ASIC2: variants seen among roughly 807,000 people sequenced by gnomAD.
ASIC2 encodes acid-sensing ion channel 2.
ASIC2 carries 25 observed loss-of-function variants against 57.3 expected under a neutral mutation model. That is an observed-to-expected ratio of 0.44 (90% CI 0.32 to 0.61). ASIC2 has a LOEUF of 0.61. ASIC2 is among the 20% of genes least tolerant of loss of function. The pLI, the probability that ASIC2 is intolerant of heterozygous loss-of-function variation, is 0.06. For missense variants in ASIC2, 641 were observed against 738.1 expected (o/e 0.87, Z 1.52); for synonymous variants, 319 against 307.5 (o/e 1.04, Z -0.39).
At chr17:33,041,181 A>G (rs1375786608) in intron 3 of ASIC2, among the ~76,000 whole-genome samples, 1 of 152,088 alleles carries the variant, frequency 6.6e-6, no homozygotes, top group Non-Finnish European at 1.5e-5. Context: ...TGGTCAAGTT[A>G]CCTAACTACT....
intron 1 of ASIC2, among the ~76,000 whole-genome samples, chr17:33,518,286 G>C (rs527841597): frequency 6.6e-6 from 1 of 152,344 alleles, no homozygotes. Flanking sequence ...TAGCCATGGC[G>C]TTTGAAGCCA....
In ASIC2 at chr17:34,080,781, T is replaced by C. The variant is rs1909848694; in HGVS notation, c.555+75197A>G. The C allele has an allele frequency of 3.9e-5, 6 of 152,226 alleles. No individual in the cohort carries two copies. In the South Asian group the frequency reaches 1.2e-3, roughly 32 times the overall value. 9.4% of individuals were successfully genotyped at this position (152,226 alleles called of 1,614,324 possible). A position where few individuals can be genotyped will look rare whatever the true frequency, so the allele number is the denominator to read the frequency against. On this transcript the variant is annotated intron_variant, in intron 1 of 9. Transcript: ENST00000359872. ...GAGCAATCAAGACAGTCCTGCCCAA[T>C]ATCATTGAATGAATTAGCAGCAAGG... is the stretch of plus-strand genomic sequence containing the variant.
intron 1 of ASIC2, among the ~76,000 whole-genome samples, chr17:33,872,004 T>C (rs1200730769): frequency 6.6e-6 from 1 of 152,040 alleles, no homozygotes; most frequent in Non-Finnish European, 1.5e-5. Flanking sequence ...GAGATCCCTC[T>C]CTCCTCCCAC....
At chr17:34,127,455 C>A (rs557286023) in intron 1 of ASIC2, among the ~76,000 whole-genome samples, 1 of 152,216 alleles carries the variant, frequency 6.6e-6, no homozygotes, top group Non-Finnish European at 1.5e-5. Context: ...ACAATGTGGC[C>A]CCCACAGCCA....
intron 1 of ASIC2, among the ~76,000 whole-genome samples, chr17:33,745,914 G>A (rs545114593): frequency 5.3e-5 from 8 of 152,112 alleles, no homozygotes; most frequent in South Asian, 4.1e-4. Flanking sequence ...ATAAATGCAC[G>A]TTTCTTCTTT....
At chr17:33,660,458 A>T (rs921291596) in intron 1 of ASIC2, among the ~76,000 whole-genome samples, 3 of 152,106 alleles carry the variant, frequency 2.0e-5, no homozygotes, top group African/African-American at 7.2e-5. Flanking sequence ...TTCTGTTTTT[A>T]AAATTATTTA....
At chr17:34,019,854 C>T (rs762531579) in intron 1 of ASIC2, among the ~76,000 whole-genome samples, 2 of 152,216 alleles carry the variant, frequency 1.3e-5, no homozygotes, top group Admixed American at 6.5e-5. Flanking sequence ...CAAGTGGCTG[C>T]ATTCAGCTCC....
At chr17:33,249,126 TG>T (rs762747064) in intron 1 of ASIC2, among the ~76,000 whole-genome samples, 9 of 148,910 alleles carry the variant, frequency 6.0e-5, no homozygotes, top group Non-Finnish European at 9.0e-5. Context: ...AGACTGGAGG[TG>T]GGGTGAGAGA....
chr17:34,055,101 G>A (rs1182664890), intron 1 of ASIC2, among the ~76,000 whole-genome samples: 1 of 152,200 alleles, frequency 6.6e-6, no homozygotes, highest in Non-Finnish European at 1.5e-5. Context: ...GAGAGGAAGA[G>A]GATATAAAGT....
chr17:33,480,272 G>T (rs1428464029), intron 1 of ASIC2, among the ~76,000 whole-genome samples: 1 of 151,928 alleles, frequency 6.6e-6, no homozygotes, highest in African/African-American at 2.4e-5. Context: ...AATAGACAAA[G>T]AAATAAACAT....
At chr17:33,818,250 A>C (rs1955477179) in intron 1 of ASIC2, among the ~76,000 whole-genome samples, 1 of 152,218 alleles carries the variant, frequency 6.6e-6, no homozygotes, top group Non-Finnish European at 1.5e-5. Flanking sequence ...TGGGAATAAG[A>C]ATACTCTATT....
At chr17:34,113,577 A>G (rs76393589) in intron 1 of ASIC2, among the ~76,000 whole-genome samples, 90 of 151,448 alleles carry the variant, frequency 5.9e-4, no homozygotes, top group African/African-American at 2.1e-3. Flanking sequence ...AAAAAAAAAA[A>G]GGAAGAAGAT....
At chr17:34,083,900 T>C (rs1375814238) in intron 1 of ASIC2, among the ~76,000 whole-genome samples, 2 of 152,244 alleles carry the variant, frequency 1.3e-5, no homozygotes, top group African/African-American at 2.4e-5. Flanking sequence ...TTGTTTGAGT[T>C]CATTGTGGAT....
At chr17:33,570,077 C>T (rs938420298) in intron 1 of ASIC2, among the ~76,000 whole-genome samples, 20 of 152,146 alleles carry the variant, frequency 1.3e-4, no homozygotes, top group Non-Finnish European at 2.5e-4. Context: ...TTCACTTCCT[C>T]GTGTGACTGT....
At chr17:33,145,683 T>C (rs1173659640) in intron 1 of ASIC2, among the ~76,000 whole-genome samples, 1 of 152,232 alleles carries the variant, frequency 6.6e-6, no homozygotes, top group Non-Finnish European at 1.5e-5. Context: ...TCTATGAAAA[T>C]GAGGGAATAA....
At chr17:33,817,386 T>G (rs2141890397) in intron 1 of ASIC2, among the ~76,000 whole-genome samples, 1 of 152,330 alleles carries the variant, frequency 6.6e-6, no homozygotes, top group African/African-American at 2.4e-5. Flanking sequence ...CTTGCCTTTG[T>G]CATGCTACTC....
intron 1 of ASIC2, among the ~76,000 whole-genome samples, chr17:33,929,892 T>C (rs1318807175): frequency 1.3e-5 from 2 of 152,268 alleles, no homozygotes; most frequent in African/African-American, 4.8e-5. Flanking sequence ...GTGTGGTTGC[T>C]TGTGAACACA....
chr17:33,543,371 C>A (rs1022293871), intron 1 of ASIC2, among the ~76,000 whole-genome samples: 4 of 152,138 alleles, frequency 2.6e-5, no homozygotes, highest in Non-Finnish European at 4.4e-5. Flanking sequence ...GTCTTTGGGG[C>A]CTCTATGCAA....
Position 33,013,656 on chromosome 17 carries a change from T to G in ASIC2, c.*309A>C, listed in dbSNP as rs1598232557. On this transcript the variant is annotated 3_prime_UTR_variant, in exon 10 of 10. Transcript: ENST00000225823. ...GTCATGTACAAGACAGACGTGGAGGTGGCGCCACAAGAAGTCTGAGCATGC... is the reference window on the plus strand; with the variant it reads ...GTCATGTACAAGACAGACGTGGAGGGGGCGCCACAAGAAGTCTGAGCATGC... 1 of 381,328 alleles carries G rather than the reference T, an allele frequency of 2.6e-6. No homozygotes were observed. Among genetic ancestry groups the G allele is most frequent in the Non-Finnish European group, 4.9e-6 (1 of 203,498 alleles). The allele number at this position is 381,328 out of a possible 1,614,324, so 23.6% of individuals were successfully genotyped here.
Sources: allele counts gnomAD v4.1 joint callset (sites outside exome capture counted in the v4.1 genomes callset), GRCh38; gene constraint gnomAD v4.1.1; transcripts MANE v1.5; gene names NCBI Gene and HGNC (gene_info 2026-07-23, HGNC 2026-07-21).